TEX29: variants seen among roughly 807,000 people sequenced by gnomAD.
The protein encoded by TEX29 is testis-expressed protein 29.
In TEX29, 26 loss-of-function variants were observed where a neutral mutation model predicts 18.2. The ratio of observed to expected loss-of-function variants is 1.43; its 90% CI spans 1.04 to 1.98. The LOEUF (loss-of-function observed/expected upper bound fraction) is 1.98. TEX29 is among the 30% of genes most tolerant of loss of function. The pLI is 0.00. For missense variants in TEX29, 177 were observed against 194.2 expected, an observed-to-expected ratio of 0.91 and a Z score of 0.53; for synonymous variants, 83 against 78.5, an observed-to-expected ratio of 1.06 and a Z score of -0.31.
At chr13:111,318,370 TG>T (rs2093658115), upstream of TEX29, among the ~76,000 whole-genome samples, 1 of 152,194 alleles carries the variant, frequency 6.6e-6, no homozygotes, top group African/African-American at 2.4e-5. Flanking sequence ...TGTCTGTCAG[TG>T]TAGTCACTGG....
chr13:111,342,574 AAAAG>A lies in TEX29; in HGVS notation c.240-180_240-177del, dbSNP rs1409495933. On this transcript the variant is annotated intron_variant, in intron 4 of 5. Coordinates refer to ENST00000283547, the MANE Select transcript of TEX29 (RefSeq NM_152324.3). ...AACTGTCTCAAAAAAAAAAAAAAAA[AAAAG>A]AGAGAGAGAAAGAAACGAAAATGAG... is the stretch of plus-strand genomic sequence containing the variant. Among the ~76,000 whole-genome samples, 15 of 151,792 alleles carry A rather than the reference AAAAG, an allele frequency of 9.9e-5. No individual in the cohort carries two copies. The East Asian group carries it at 1.7e-3, about 18-fold the overall frequency.
intron 2 of TEX29, among the ~76,000 whole-genome samples, chr13:111,323,941 C>A (rs1311907255): frequency 6.6e-6 from 1 of 152,248 alleles, no homozygotes; most frequent in East Asian, 1.9e-4. Flanking sequence ...CCAAAGATAA[C>A]TTGACATGCA....
chr13:111,336,392 C>T (rs2093689700), intron 3 of TEX29, among the ~76,000 whole-genome samples: 1 of 152,240 alleles, frequency 6.6e-6, no homozygotes. Flanking sequence ...ATTATGAGCT[C>T]TTTGTGCACA....
chr13:111,320,995 T>TGGGGGGGGGGTGCTGTGG, intron 2 of TEX29, 47 bp downstream of exon 2: 1 of 320,864 alleles, frequency 3.1e-6, no homozygotes, highest in East Asian at 7.5e-5. Flanking sequence ...GGGGAGCAGT[T>TGGGGGGGGGGTGCTGTGG]GGGGGGGGGC....
upstream of TEX29, among the ~76,000 whole-genome samples, chr13:111,319,815 A>T: frequency 6.6e-6 from 1 of 152,168 alleles, no homozygotes; most frequent in East Asian, 1.9e-4. Context: ...TCAAACCATG[A>T]AAAGTAGCAG....
intron 3 of TEX29, among the ~76,000 whole-genome samples, chr13:111,333,132 A>T (rs2093684948): frequency 1.3e-5 from 2 of 152,084 alleles, no homozygotes; most frequent in African/African-American, 4.8e-5. Context: ...ATAATGTGTC[A>T]CTTCTCTTAT....
upstream of TEX29, among the ~76,000 whole-genome samples, chr13:111,319,059 G>A (rs188200747): frequency 4.6e-5 from 7 of 152,220 alleles, no homozygotes; most frequent in East Asian, 3.9e-4. Flanking sequence ...ATGGGGGCAC[G>A]ATTCCCATTC....
At chr13:111,325,805 G>GT (rs2093671931) in intron 2 of TEX29, among the ~76,000 whole-genome samples, 2 of 152,194 alleles carry the variant, frequency 1.3e-5, no homozygotes, top group Admixed American at 1.3e-4. Flanking sequence ...GAGAAAGAAT[G>GT]TATGAACGTT....
chr13:111,343,979 C>T, intron 5 of TEX29, 104 bp from the exon 6 acceptor site: 1 of 936,820 alleles, frequency 1.1e-6, no homozygotes, highest in Non-Finnish European at 1.7e-6. Context: ...TCAATCATTG[C>T]CAATCAGACA....
At chr13:111,333,894 G>A (rs1191447418) in intron 3 of TEX29, among the ~76,000 whole-genome samples, 6 of 152,150 alleles carry the variant, frequency 3.9e-5, no homozygotes, top group South Asian at 4.2e-4. Context: ...CAGGTCCCTC[G>A]CTTGACATGT....
intron 3 of TEX29, among the ~76,000 whole-genome samples, chr13:111,329,583 GA>G (rs1367525990): frequency 6.6e-6 from 1 of 151,880 alleles, no homozygotes; most frequent in Non-Finnish European, 1.5e-5. Flanking sequence ...CCTGCTGGTG[GA>G]ACCTAGCACA....
upstream of TEX29, among the ~76,000 whole-genome samples, chr13:111,317,380 A>T (rs1428704862): frequency 6.6e-6 from 1 of 152,086 alleles, no homozygotes; most frequent in East Asian, 1.9e-4. Context: ...TGGCAGCAGC[A>T]TGTAGGGAAT....
At chr13:111,319,102 C>G (rs944257551), upstream of TEX29, among the ~76,000 whole-genome samples, 1 of 152,200 alleles carries the variant, frequency 6.6e-6, no homozygotes, top group African/African-American at 2.4e-5. Flanking sequence ...TCCTCACCTT[C>G]CAAGGCCTCG....
At chr13:111,340,218 A>C (rs79251877) in intron 4 of TEX29, among the ~76,000 whole-genome samples, 2,693 of 119,774 alleles carry the variant, frequency 0.022, 28 homozygotes, top group African/African-American at 0.089. Flanking sequence ...TGTTGATGAA[A>C]ATCATAACCC....
intron 2 of TEX29, 40 bp downstream of exon 2, chr13:111,320,988 G>GGGGGGGGGGGGGGGGGGGGGGGGGGC: frequency 2.3e-6 from 1 of 431,426 alleles, no homozygotes; most frequent in Non-Finnish European, 4.3e-6. Flanking sequence ...TGGGGTGGGG[G>GGGGGGGGGGGGGGGGGGGGGGGGGGC]AGCAGTTGGG....
At chr13:111,339,578 T>G in intron 3 of TEX29, 1 of 537,198 alleles carries the variant, frequency 1.9e-6, no homozygotes. Context: ...CGTCTCTCCA[T>G]GCACTCCCGG....
At position 111,342,684 on chromosome 13, in the gene TEX29, G is replaced by C. The variant is rs1351519720; in HGVS notation, c.240-72G>C. The stretch of plus-strand genomic sequence containing the variant: ...GTGTTTTCAGAGGGATGTCCTGGTG[G>C]GTGGGAGGGAGGAACTGGAGAGTTT... On this transcript the variant is annotated intron_variant, in intron 4 of 5. Transcript: ENST00000283547. 3 of 1,478,140 alleles carry C rather than the reference G, an allele frequency of 2.0e-6. No individual in the cohort carries two copies. The African/African-American group carries it at 4.2e-5, about 21-fold the overall frequency. 91.6% of individuals were successfully genotyped at this position (1,478,140 alleles called of 1,614,324 possible).
chr13:111,327,595 G>A (rs1332675047), intron 2 of TEX29, among the ~76,000 whole-genome samples: 1 of 152,202 alleles, frequency 6.6e-6, no homozygotes, highest in African/African-American at 2.4e-5. Context: ...CATCCCTCGG[G>A]GCTGAACATG....
intron 2 of TEX29, among the ~76,000 whole-genome samples, chr13:111,326,752 G>T (rs1393138832): frequency 6.6e-6 from 1 of 152,110 alleles, no homozygotes; most frequent in African/African-American, 2.4e-5. Context: ...TGGCGCTGGC[G>T]GGTGTTTGCT....
Sources: gnomAD v4.1 joint callset for allele counts (sites outside exome capture counted in the v4.1 genomes callset) on GRCh38, gnomAD v4.1.1 for gene constraint, MANE v1.5 for transcripts, NCBI Gene and HGNC (gene_info 2026-07-23, HGNC 2026-07-21) for gene names.